Variants in TSPAN18 observed in about 807,000 individuals in gnomAD.
The protein encoded by TSPAN18 is tetraspanin-18.
Under a neutral mutation model 27.3 loss-of-function variants are expected in TSPAN18, and 14 were observed. That is an observed-to-expected ratio of 0.51 (90% CI 0.34 to 0.80). TSPAN18 has a LOEUF of 0.80. TSPAN18 is among the 30% of genes least tolerant of loss of function. TSPAN18 has a pLI of 0.01. For synonymous variants in TSPAN18, 143 were observed against 136.5 expected (o/e 1.05, Z -0.33); for missense variants, 268 against 323.9 (o/e 0.83, Z 1.32).
chr11:44,755,707 TCAGGCTGGCAGTGGCC>T (rs1855316195), intron 1 of TSPAN18, among the ~76,000 whole-genome samples: 2 of 152,084 alleles, frequency 1.3e-5, no homozygotes, highest in African/African-American at 2.4e-5. Context: ...AAGCAATGCA[TCAGGCTGGCAGTGGCC>T]CAGCCTGGAT....
chr11:44,926,998 G>A (rs1860384474), intron 9 of TSPAN18, among the ~76,000 whole-genome samples: 2 of 152,202 alleles, frequency 1.3e-5, no homozygotes, highest in Admixed American at 1.3e-4. Context: ...GGCCCTGAGT[G>A]TCATCCCCAC....
intron 5 of TSPAN18, among the ~76,000 whole-genome samples, chr11:44,912,445 C>T (rs1226883613): frequency 6.6e-6 from 1 of 151,986 alleles, no homozygotes; most frequent in South Asian, 2.1e-4. Flanking sequence ...TCTAGGGCCC[C>T]GCCCACACAA....
chr11:44,740,910 T>G (rs546528983), intron 1 of TSPAN18, among the ~76,000 whole-genome samples: 1 of 152,344 alleles, frequency 6.6e-6, no homozygotes, highest in Non-Finnish European at 1.5e-5. Context: ...CCCAAGTAGC[T>G]GGGACTATAA....
intron 2 of TSPAN18, among the ~76,000 whole-genome samples, chr11:44,792,090 ATTTG>A (rs1246204535): frequency 5.9e-5 from 9 of 152,250 alleles, no homozygotes; most frequent in South Asian, 2.1e-4. Context: ...TATAGACAGT[ATTTG>A]TTTGTATGTT....
At chr11:44,911,008 C>T (rs1418615740) in intron 5 of TSPAN18, among the ~76,000 whole-genome samples, 1 of 152,238 alleles carries the variant, frequency 6.6e-6, no homozygotes, top group Non-Finnish European at 1.5e-5. Flanking sequence ...GTTCTCGAGT[C>T]TCCTGGATTC....
intron 1 of TSPAN18, chr11:44,736,577 G>A (rs1186404907): frequency 6.6e-6 from 1 of 152,160 alleles, no homozygotes; most frequent in Non-Finnish European, 1.5e-5. Context: ...TGAATAGGGG[G>A]GGTCCCTGGG....
At chr11:44,838,163 A>C (rs1387170276) in intron 2 of TSPAN18, among the ~76,000 whole-genome samples, 1 of 152,222 alleles carries the variant, frequency 6.6e-6, no homozygotes, top group African/African-American at 2.4e-5. Flanking sequence ...GATATGCCCG[A>C]GACTGGGTAA....
intron 1 of TSPAN18, among the ~76,000 whole-genome samples, chr11:44,739,736 G>T (rs1854885363): frequency 6.6e-6 from 1 of 152,182 alleles, no homozygotes. Flanking sequence ...TTCAATGGAA[G>T]GTCACTCTCA....
intron 2 of TSPAN18, among the ~76,000 whole-genome samples, chr11:44,812,644 C>A (rs2166452): frequency 0.31 from 46,864 of 151,998 alleles, 8,712 homozygotes; most frequent in Non-Finnish European, 0.41. Context: ...GCTAACATTC[C>A]TATTGCCCAT....
At chr11:44,907,370 C>CTT (rs1333285713) in intron 4 of TSPAN18, among the ~76,000 whole-genome samples, 2 of 152,234 alleles carry the variant, frequency 1.3e-5, no homozygotes, top group Admixed American at 6.5e-5. Flanking sequence ...CACTCATGTC[C>CTT]TTCAGGGCAG....
At chr11:44,814,109 T>C (rs1000223695) in intron 2 of TSPAN18, among the ~76,000 whole-genome samples, 3 of 152,196 alleles carry the variant, frequency 2.0e-5, no homozygotes, top group Non-Finnish European at 4.4e-5. Flanking sequence ...GCCTCATTGT[T>C]TGTGGCATCT....
chr11:44,798,434 A>G lies in TSPAN18; in HGVS notation c.-153+33922A>G, dbSNP rs186266331. ...GTCCAAGGTCACACAGCTGGAAAGTAGCAGAGCCAGATGTAGTCACAGAAA... is the reference window on the plus strand; with the variant it reads ...GTCCAAGGTCACACAGCTGGAAAGTGGCAGAGCCAGATGTAGTCACAGAAA... On this transcript the variant is annotated intron_variant, in intron 2 of 9. Transcript: ENST00000520358. Among the ~76,000 whole-genome samples, 27 of 152,322 alleles carry G rather than the reference A, an allele frequency of 1.8e-4. 1 individual carries two copies. In the East Asian group the frequency reaches 5.2e-3, roughly 29 times the overall value.
intron 2 of TSPAN18, among the ~76,000 whole-genome samples, chr11:44,842,713 T>G (rs1590563908): frequency 6.6e-6 from 1 of 152,230 alleles, no homozygotes; most frequent in East Asian, 1.9e-4. Flanking sequence ...CTGGTAGGCC[T>G]TAGCAATGGC....
intron 2 of TSPAN18, among the ~76,000 whole-genome samples, chr11:44,836,253 T>C (rs1016564886): frequency 5.3e-5 from 8 of 152,240 alleles, no homozygotes; most frequent in African/African-American, 1.7e-4. Context: ...TTAAAAGTGC[T>C]ACTCCAGTGA....
chr11:44,908,829 A>AAGAAAGAAAGAAAGAAAGAG (rs765443858), intron 4 of TSPAN18, among the ~76,000 whole-genome samples: 3 of 103,322 alleles, frequency 2.9e-5, no homozygotes, highest in Non-Finnish European at 5.7e-5. Context: ...GAAAGAAAGA[A>AAGAAAGAAAGAAAGAAAGAG]AAAGAAAAAT....
At chr11:44,874,427 T>C (rs1858275336) in intron 3 of TSPAN18, among the ~76,000 whole-genome samples, 2 of 152,182 alleles carry the variant, frequency 1.3e-5, no homozygotes, top group South Asian at 2.1e-4. Flanking sequence ...AGGCACTCGA[T>C]GTCATTTAGC....
rs1010781658 is a variant in TSPAN18, at chr11:44,931,080, G to A, written c.*1902G>A. 7 of 396,794 alleles carry A rather than the reference G, an allele frequency of 1.8e-5. No homozygotes were observed. The highest frequency in any genetic ancestry group is 5.5e-5 in the South Asian group (3 of 54,760). 24.6% of individuals were successfully genotyped at this position (396,794 alleles called of 1,614,324 possible). A position where few individuals can be genotyped will look rare whatever the true frequency, so the allele number is the denominator to read the frequency against. On this transcript the variant is annotated 3_prime_UTR_variant, in exon 10 of 10. Transcript: ENST00000520358. Reference sequence around the variant, plus strand: ...CCTCTAATCTCCTCCTGCTGTGCCCGCCAGTCCTTGCCCTCCCACCAGGTC... The same window carrying A: ...CCTCTAATCTCCTCCTGCTGTGCCCACCAGTCCTTGCCCTCCCACCAGGTC...
At chr11:44,761,908 C>A (rs1212002329) in intron 1 of TSPAN18, among the ~76,000 whole-genome samples, 1 of 152,224 alleles carries the variant, frequency 6.6e-6, no homozygotes, top group Non-Finnish European at 1.5e-5. Flanking sequence ...AAGTCCCACA[C>A]GCCTCCCTTT....
intron 3 of TSPAN18, among the ~76,000 whole-genome samples, chr11:44,895,723 C>T (rs916859887): frequency 2.6e-5 from 4 of 152,228 alleles, no homozygotes; most frequent in African/African-American, 9.7e-5. Flanking sequence ...TCAGCATCTC[C>T]TCCTTGTCTC....
Sources: allele counts gnomAD v4.1 joint callset (sites outside exome capture counted in the v4.1 genomes callset), GRCh38; gene constraint gnomAD v4.1.1; transcripts MANE v1.5; gene names NCBI Gene and HGNC (gene_info 2026-07-23, HGNC 2026-07-21).